CORO7: variants seen among roughly 807,000 people sequenced by gnomAD.
CORO7 encodes the protein coronin-7.
CORO7 carries 107 observed loss-of-function variants against 126.6 expected under a neutral mutation model. The observed-to-expected ratio is 0.85, with a 90% CI of 0.72 to 0.99. The LOEUF is 0.99. Ranked by LOEUF, CORO7 falls within the 50% of genes least tolerant of loss-of-function variation. The pLI is 0.00. For synonymous variants in CORO7, 603 were observed against 536.8 expected (o/e 1.12, Z -1.70); for missense variants, 1,314 against 1,255.8 (o/e 1.05, Z -0.70).
At chr16:4,355,876 C>T (rs1319603842) in intron 26 of CORO7, among the ~76,000 whole-genome samples, 1 of 151,198 alleles carries the variant, frequency 6.6e-6, no homozygotes, top group Non-Finnish European at 1.5e-5. Context: ...TTTCTGGGTG[C>T]AAGCAATTCT....
intron 16 of CORO7, 185 bp from the exon 17 acceptor site, chr16:4,361,654 C>G: frequency 1.7e-5 from 14 of 828,320 alleles, no homozygotes; most frequent in Non-Finnish European, 2.6e-5. Context: ...ACCACAAGGC[C>G]CCAGAGAGTG....
At chr16:4,364,968 A>AG in intron 11 of CORO7, 35 bp downstream of exon 11, 1 of 1,329,472 alleles carries the variant, frequency 7.5e-7, no homozygotes, top group Non-Finnish European at 1.0e-6. Flanking sequence ...AGGGGAGGGG[A>AG]GGGTAGGGGA....
At chr16:4,374,810 A>G (rs2054661242) in intron 9 of CORO7, among the ~76,000 whole-genome samples, 1 of 152,230 alleles carries the variant, frequency 6.6e-6, no homozygotes, top group South Asian at 2.1e-4. Flanking sequence ...TTCCAGGGCC[A>G]CTTCCTTCTC....
intron 9 of CORO7, among the ~76,000 whole-genome samples, chr16:4,379,528 T>C (rs2054875533): frequency 6.6e-6 from 1 of 152,120 alleles, no homozygotes; most frequent in Non-Finnish European, 1.5e-5. Flanking sequence ...TCGGACTTGC[T>C]GGCACCGCAA....
In CORO7 at chr16:4,355,369, G is replaced by C. The variant is rs1476852273; in HGVS notation, c.2689C>G (p.Leu897Val). ...KSDQQKKEEL[L>V]NAMVAKLGNR... is the part of the protein sequence containing the mutation. ...CCCAGTTTTGCCACCATGGCATTCA[G>C]CAGCTGGGAGAGAGGGCAGAAGAAG... is the stretch of plus-strand genomic sequence containing the variant. Residue 897 changes from leucine (L) to valine (V), a missense_variant, in exon 27 of 28, where the codon CTG becomes GTG. Transcript: ENST00000251166. The C allele has an allele frequency of 2.3e-5, 37 of 1,609,554 alleles. No homozygotes were observed. Among genetic ancestry groups the C allele is most frequent in the Non-Finnish European group, 3.0e-5 (35 of 1,179,510 alleles).
At chr16:4,392,061 C>G (rs894871591) in intron 7 of CORO7, among the ~76,000 whole-genome samples, 4 of 152,284 alleles carry the variant, frequency 2.6e-5, no homozygotes, top group East Asian at 1.9e-4. Context: ...CCACTTACCC[C>G]CTTCCCTCCT....
intron 6 of CORO7, among the ~76,000 whole-genome samples, chr16:4,404,522 C>T (rs1157962887): frequency 6.6e-6 from 1 of 152,190 alleles, no homozygotes; most frequent in African/African-American, 2.4e-5. Flanking sequence ...CTGCTCAGAG[C>T]CCCTCTGGGC....
intron 26 of CORO7, among the ~76,000 whole-genome samples, chr16:4,355,761 G>A (rs112393889): frequency 0.013 from 1,974 of 152,098 alleles, 43 homozygotes; most frequent in African/African-American, 0.045. Flanking sequence ...GAGCCACAGC[G>A]CCCGGCCTTT....
intron 9 of CORO7, among the ~76,000 whole-genome samples, chr16:4,374,222 C>T (rs923313559): frequency 3.9e-5 from 6 of 152,064 alleles, no homozygotes; most frequent in Non-Finnish European, 7.4e-5. Context: ...AGCCTGCTTG[C>T]ACCAGGAGGG....
At chr16:4,409,662 C>T (rs2056130547) in intron 3 of CORO7, among the ~76,000 whole-genome samples, 1 of 152,246 alleles carries the variant, frequency 6.6e-6, no homozygotes, top group African/African-American at 2.4e-5. Context: ...TGCTGCTCAG[C>T]ATGACATGCT....
chr16:4,395,555 G>T (rs2055553252), intron 6 of CORO7, among the ~76,000 whole-genome samples: 1 of 152,158 alleles, frequency 6.6e-6, no homozygotes, highest in African/African-American at 2.4e-5. Flanking sequence ...TGTGAGGAGT[G>T]TTCAGCTGCC....
chr16:4,359,091 T>G, intron 23 of CORO7: 2 of 621,840 alleles, frequency 3.2e-6, no homozygotes, highest in Non-Finnish European at 5.4e-6. Flanking sequence ...TTTTTAATAA[T>G]GGTTGAGTAT....
intron 25 of CORO7, 96 bp from the exon 26 acceptor site, chr16:4,357,355 CT>C (rs61391325): frequency 0.28 from 197,870 of 716,180 alleles, 2,066 homozygotes; most frequent in African/African-American, 0.4. Context: ...TTCTTTCTTT[CT>C]TTTTTTTTTT....
Position 4,413,402 on chromosome 16 carries a change from G to T in CORO7, c.63C>A (p.Ser21=). Residue 21 remains serine, a splice_region_variant and synonymous_variant, in exon 2 of 28, where the codon TCC becomes TCA. Transcript: ENST00000251166. ...HTEARPPRRE[S]WISDIRAGTA... is the part of the protein sequence containing the mutation. ...TTCCTGCTCGAATGTCACTGATCCA[G>T]GACTGAAAATCAAGAGTAAAGAAGT... 1 of 1,568,672 alleles carries T rather than the reference G, an allele frequency of 6.4e-7. No individual in the cohort carries two copies. The highest frequency in any genetic ancestry group is 2.3e-5 in the East Asian group (1 of 43,048).
chr16:4,380,749 C>A, intron 9 of CORO7: 1 of 1,158,754 alleles, frequency 8.6e-7, no homozygotes. Flanking sequence ...GACTCATAAC[C>A]ATTGGGTTCT....
At chr16:4,395,411 T>C in intron 6 of CORO7, 72 bp from the exon 7 acceptor site, 1 of 1,599,602 alleles carries the variant, frequency 6.3e-7, no homozygotes, top group Non-Finnish European at 8.5e-7. Flanking sequence ...CCTGCTCCCC[T>C]CACCTCCCAA....
At chr16:4,364,954 G>A (rs766276838) in intron 11 of CORO7, 34 bp from the exon 12 acceptor site, 15 of 1,606,972 alleles carry the variant, frequency 9.3e-6, no homozygotes, top group Middle Eastern at 1.7e-4. Context: ...CAGGCAGGAT[G>A]GGCAGGGGAG....
At chr16:4,395,481 C>CA in intron 6 of CORO7, 142 bp from the exon 7 acceptor site, 1 of 1,018,272 alleles carries the variant, frequency 9.8e-7, no homozygotes, top group South Asian at 1.5e-5. Context: ...ACCAGGGCAT[C>CA]CCTCCTCAGC....
chr16:4,374,568 C>A (rs1479003467), intron 9 of CORO7, among the ~76,000 whole-genome samples: 1 of 152,132 alleles, frequency 6.6e-6, no homozygotes, highest in Non-Finnish European at 1.5e-5. Flanking sequence ...GCTGGGGCGG[C>A]CGCTGGGGCC....
Sources: gnomAD v4.1 joint callset for allele counts (sites outside exome capture counted in the v4.1 genomes callset) on GRCh38, gnomAD v4.1.1 for gene constraint, MANE v1.5 for transcripts, NCBI Gene and HGNC (gene_info 2026-07-23, HGNC 2026-07-21) for gene names.